The following BAIAP2L1 variants were observed in gnomAD, a reference collection of about 807,000 sequenced individuals.
BAIAP2L1 encodes BAR/IMD domain containing adaptor protein 2 like 1.
BAIAP2L1 carries 35 observed loss-of-function variants against 66.3 expected under a neutral mutation model. The observed-to-expected ratio is 0.53, with a 90% CI of 0.40 to 0.70. The LOEUF (loss-of-function observed/expected upper bound fraction) is 0.70, where lower values mean the gene tolerates loss of function less well. Ranked by LOEUF, BAIAP2L1 falls within the 30% of genes least tolerant of loss-of-function variation. The pLI, the probability that BAIAP2L1 is intolerant of heterozygous loss-of-function variation, is 0.00. For missense variants in BAIAP2L1, 622 were observed against 656.9 expected, an observed-to-expected ratio of 0.95 and a Z score of 0.58; for synonymous variants, 269 against 248.7, an observed-to-expected ratio of 1.08 and a Z score of -0.77.
intron 3 of BAIAP2L1, among the ~76,000 whole-genome samples, chr7:98,331,803 C>T (rs1281033597): frequency 6.6e-6 from 1 of 152,056 alleles, no homozygotes; most frequent in Admixed American, 6.6e-5. Flanking sequence ...AAAAGAACAC[C>T]TTGCTTCTAG....
chr7:98,393,732 G>A (rs912070281), intron 1 of BAIAP2L1, among the ~76,000 whole-genome samples: 4 of 149,648 alleles, frequency 2.7e-5, no homozygotes, highest in South Asian at 2.1e-4. Context: ...CAATCCGCCC[G>A]CCTCGGCCTC....
intron 2 of BAIAP2L1, among the ~76,000 whole-genome samples, chr7:98,360,838 C>G (rs533395081): frequency 8.5e-5 from 13 of 152,216 alleles, no homozygotes; most frequent in African/African-American, 2.9e-4. Context: ...GAGCAAAATC[C>G]CAGACCTGCT....
chr7:98,367,687 C>G (rs1029033274), intron 1 of BAIAP2L1, among the ~76,000 whole-genome samples: 1 of 152,112 alleles, frequency 6.6e-6, no homozygotes, highest in Non-Finnish European at 1.5e-5. Flanking sequence ...AGGCACCCAC[C>G]ACCACGCCCG....
chr7:98,375,438 C>A (rs891513038), intron 1 of BAIAP2L1, among the ~76,000 whole-genome samples: 10 of 151,198 alleles, frequency 6.6e-5, no homozygotes, highest in African/African-American at 2.2e-4. Flanking sequence ...CCACAACCAC[C>A]TGTAGTCCCC....
intron 1 of BAIAP2L1, among the ~76,000 whole-genome samples, chr7:98,365,178 TTTTCA>T (rs1029696921): frequency 2.9e-4 from 44 of 151,958 alleles, no homozygotes; most frequent in African/African-American, 1.0e-3. Flanking sequence ...TTTTGTTTGT[TTTTCA>T]TTTATTTTAC....
At chr7:98,330,303 G>A (rs1801464472) in intron 3 of BAIAP2L1, among the ~76,000 whole-genome samples, 1 of 152,168 alleles carries the variant, frequency 6.6e-6, no homozygotes. Flanking sequence ...GCAGAGAGAT[G>A]ATGTGTTAGT....
chr7:98,379,298 A>G (rs1036851900), intron 1 of BAIAP2L1, among the ~76,000 whole-genome samples: 10 of 152,162 alleles, frequency 6.6e-5, no homozygotes, highest in Admixed American at 3.9e-4. Flanking sequence ...CCTGTATTTC[A>G]TAAGAGATGC....
Position 98,312,253 on chromosome 7 carries a change from T to C in BAIAP2L1, c.651A>G (p.Leu217=), listed in dbSNP as rs769613207. 1 of 1,611,494 alleles carries C rather than the reference T, an allele frequency of 6.2e-7. No individual in the cohort carries two copies. Among genetic ancestry groups the C allele is most frequent in the Non-Finnish European group, 8.5e-7 (1 of 1,179,234 alleles). ...GCCACCGAGGCAGCTTGGAATTCAG[T>C]AGTTCTGCAGACTGCAAAGCCAAAA... ...IHYYHLQSAE[L]LNSKLPRWQE... Residue 217 remains leucine (L), a synonymous_variant, in exon 8 of 14, where the codon CTA becomes CTG. Transcript: ENST00000005260.
At chr7:98,344,539 T>C (rs1399796500) in intron 3 of BAIAP2L1, among the ~76,000 whole-genome samples, 1 of 152,146 alleles carries the variant, frequency 6.6e-6, no homozygotes, top group Non-Finnish European at 1.5e-5. Flanking sequence ...GGGGGTAAAA[T>C]GTAGGTCTGA....
intron 1 of BAIAP2L1, among the ~76,000 whole-genome samples, chr7:98,373,569 A>G (rs980660668): frequency 3.9e-5 from 6 of 152,154 alleles, no homozygotes; most frequent in Non-Finnish European, 7.3e-5. Flanking sequence ...GAGCCTCTAG[A>G]AAGCCTGAGT....
chr7:98,316,908 G>T (rs538022386), intron 6 of BAIAP2L1, among the ~76,000 whole-genome samples: 15 of 151,286 alleles, frequency 9.9e-5, no homozygotes, highest in African/African-American at 3.4e-4. Context: ...CTGTCACCCA[G>T]GCTGGAGTGC....
intron 1 of BAIAP2L1, among the ~76,000 whole-genome samples, chr7:98,385,536 A>G (rs1189989010): frequency 6.6e-6 from 1 of 151,642 alleles, no homozygotes; most frequent in Non-Finnish European, 1.5e-5. Flanking sequence ...TTCAGCCTCC[A>G]GAGTAGCTGG....
chr7:98,369,661 TA>T (rs1329184825), intron 1 of BAIAP2L1, among the ~76,000 whole-genome samples: 1 of 125,066 alleles, frequency 8.0e-6, no homozygotes. Flanking sequence ...TTTGATTTCC[TA>T]ATTTTTTTTT....
At chr7:98,396,884 T>G (rs1352258564) in intron 1 of BAIAP2L1, among the ~76,000 whole-genome samples, 1 of 152,220 alleles carries the variant, frequency 6.6e-6, no homozygotes, top group African/African-American at 2.4e-5. Context: ...AAAAGTATCA[T>G]CGGAGGGCGC....
intron 1 of BAIAP2L1, chr7:98,385,736 TGTTG>T (rs1176291981): frequency 2.7e-5 from 30 of 1,114,574 alleles, no homozygotes; most frequent in Admixed American, 7.5e-5. Context: ...TTCTTTTTTT[TGTTG>T]TTTTTTTTTT....
intron 1 of BAIAP2L1, among the ~76,000 whole-genome samples, chr7:98,372,106 C>A (rs1254712289): frequency 2.0e-5 from 3 of 151,118 alleles, no homozygotes; most frequent in African/African-American, 4.8e-5. Context: ...CTTTTAGTTT[C>A]TTTTAGTAGT....
At chr7:98,325,073 A>T (rs1295946324) in intron 3 of BAIAP2L1, among the ~76,000 whole-genome samples, 2 of 152,236 alleles carry the variant, frequency 1.3e-5, no homozygotes, top group African/African-American at 4.8e-5. Context: ...TGCAGAGATT[A>T]AAGTAAAATT....
At chr7:98,382,542 G>T (rs556556142) in intron 1 of BAIAP2L1, among the ~76,000 whole-genome samples, 1 of 152,136 alleles carries the variant, frequency 6.6e-6, no homozygotes, top group African/African-American at 2.4e-5. Flanking sequence ...ACTAGACAAA[G>T]GTTTTACATT....
chr7:98,295,806 C>A (rs1229596904), intron 12 of BAIAP2L1, among the ~76,000 whole-genome samples: 1 of 152,162 alleles, frequency 6.6e-6, no homozygotes, highest in Non-Finnish European at 1.5e-5. Flanking sequence ...TGGGCCCCCA[C>A]GGGACTTTAA....
Sources: gnomAD v4.1 joint callset for allele counts (sites outside exome capture counted in the v4.1 genomes callset) on GRCh38, gnomAD v4.1.1 for gene constraint, MANE v1.5 for transcripts, NCBI Gene and HGNC (gene_info 2026-07-23, HGNC 2026-07-21) for gene names.